The following ARHGEF26 variants were observed in gnomAD, a reference collection of about 807,000 sequenced individuals.
The protein encoded by ARHGEF26 is Rho guanine nucleotide exchange factor 26, also known as Rho guanine nucleotide exchange factor (GEF) 26.
ARHGEF26 carries 59 observed loss-of-function variants against 89.4 expected under a neutral mutation model. That is an observed-to-expected ratio of 0.66 (90% confidence interval 0.54 to 0.82). The LOEUF (loss-of-function observed/expected upper bound fraction) is 0.82. Among genes scored for constraint, ARHGEF26 ranks in the 40% least tolerant of loss-of-function variants. The probability of loss-of-function intolerance (pLI) is 0.00; values close to 1 mark genes in which losing one functional copy is unlikely to be tolerated. For missense variants in ARHGEF26, 1,234 were observed against 1,085.6 expected (o/e 1.14, Z -1.92); for synonymous variants, 500 against 428.4 (o/e 1.17, Z -2.06).
chr3:154,178,830 C>T (rs1274040636), intron 6 of ARHGEF26, among the ~76,000 whole-genome samples: 1 of 152,096 alleles, frequency 6.6e-6, no homozygotes, highest in Non-Finnish European at 1.5e-5. Flanking sequence ...TGTAGACTTG[C>T]AGCTGGCCTC....
chr3:154,188,796 G>GC, intron 7 of ARHGEF26, among the ~76,000 whole-genome samples: 1 of 152,236 alleles, frequency 6.6e-6, no homozygotes, highest in East Asian at 1.9e-4. Context: ...GCTGATGATG[G>GC]CCCCCTTTTT....
At chr3:154,220,573 T>G (rs1484246168) in intron 10 of ARHGEF26, among the ~76,000 whole-genome samples, 4 of 152,074 alleles carry the variant, frequency 2.6e-5, no homozygotes, top group African/African-American at 9.7e-5. Context: ...GCATTCAGTG[T>G]GGGTAGACTT....
intron 6 of ARHGEF26, chr3:154,187,198 C>T (rs1481899765): frequency 3.0e-6 from 3 of 984,312 alleles, no homozygotes; most frequent in Admixed American, 6.2e-5. Context: ...TGGCCTCAGA[C>T]TTATTTTTTA....
chr3:154,125,202 A>G (rs2108037463), intron 3 of ARHGEF26, among the ~76,000 whole-genome samples: 1 of 152,162 alleles, frequency 6.6e-6, no homozygotes, highest in East Asian at 1.9e-4. Context: ...ATAATAAAGA[A>G]GGGAGTGCCC....
intron 9 of ARHGEF26, among the ~76,000 whole-genome samples, chr3:154,196,326 G>A (rs1714289149): frequency 6.6e-6 from 1 of 152,170 alleles, no homozygotes; most frequent in Non-Finnish European, 1.5e-5. Flanking sequence ...CTAGCTGAGA[G>A]GAAGCAATAG....
At chr3:154,217,112 T>C (rs1042477403) in intron 9 of ARHGEF26, among the ~76,000 whole-genome samples, 6 of 151,936 alleles carry the variant, frequency 3.9e-5, no homozygotes, top group Non-Finnish European at 7.4e-5. Context: ...GTCACCACAC[T>C]GACTTCCACA....
chr3:154,254,672 G>GT (rs770809419), intron 13 of ARHGEF26, 48 bp from the exon 14 acceptor site: 2 of 1,464,184 alleles, frequency 1.4e-6, no homozygotes, highest in Admixed American at 1.7e-5. Flanking sequence ...GATTGCACAT[G>GT]TTTTTTCTCT....
intron 12 of ARHGEF26, among the ~76,000 whole-genome samples, chr3:154,252,374 G>A (rs943049539): frequency 1.3e-5 from 2 of 152,064 alleles, no homozygotes; most frequent in Middle Eastern, 3.2e-3. Flanking sequence ...GTGTGTGGCG[G>A]GGCAGTATTT....
chr3:154,165,517 T>G (rs1057402916), intron 6 of ARHGEF26, among the ~76,000 whole-genome samples: 1 of 152,196 alleles, frequency 6.6e-6, no homozygotes, highest in Admixed American at 6.6e-5. Flanking sequence ...AAGACCCCAA[T>G]ATTTGGAAAC....
chr3:154,177,578 A>G (rs1712904043), intron 6 of ARHGEF26, among the ~76,000 whole-genome samples: 1 of 152,166 alleles, frequency 6.6e-6, no homozygotes, highest in Non-Finnish European at 1.5e-5. Context: ...TTAACATTCC[A>G]CATCTCTCAG....
In ARHGEF26 at chr3:154,122,035, A is replaced by T; in HGVS notation, c.43A>T (p.Thr15Ser). The stretch of plus-strand genomic sequence containing the variant: ...GGTGGATTTTTCTAGCAACAGCATA[A>T]CCCCTTTGTGGCGGAGGCGGTCGAT... ...SEVDFSSNSI[T>S]PLWRRRSIPQ... The change falls in exon 2 of 15, where the codon ACC becomes TCC. Residue 15 changes from threonine to serine, a missense_variant. Thr to Ser is a moderately conservative substitution (Grantham distance 58). Transcript: ENST00000465093. The T allele has an allele frequency of 6.2e-7, 1 of 1,610,742 alleles. No individual in the cohort carries two copies.
intron 9 of ARHGEF26, among the ~76,000 whole-genome samples, chr3:154,208,856 A>G (rs1409484691): frequency 1.4e-5 from 2 of 145,310 alleles, no homozygotes; most frequent in African/African-American, 2.6e-5. Flanking sequence ...ACCTCCGCCT[A>G]CCGGATTCAA....
chr3:154,208,579 T>G (rs1715173157), intron 9 of ARHGEF26, among the ~76,000 whole-genome samples: 2 of 152,074 alleles, frequency 1.3e-5, no homozygotes, highest in South Asian at 4.1e-4. Context: ...ACTCTTAGAT[T>G]TTCCCTTTTG....
chr3:154,153,561 G>T (rs1476382356), intron 6 of ARHGEF26, among the ~76,000 whole-genome samples: 2 of 151,848 alleles, frequency 1.3e-5, no homozygotes, highest in Admixed American at 6.6e-5. Context: ...CACTGTTGTG[G>T]TTATACTTAT....
At chr3:154,194,124 G>C (rs1328681015) in intron 8 of ARHGEF26, among the ~76,000 whole-genome samples, 1 of 151,986 alleles carries the variant, frequency 6.6e-6, no homozygotes, top group African/African-American at 2.4e-5. Flanking sequence ...CACTGTGCCT[G>C]GCTGTTCTTT....
At chr3:154,175,362 T>C (rs1338522981) in intron 6 of ARHGEF26, among the ~76,000 whole-genome samples, 1 of 152,182 alleles carries the variant, frequency 6.6e-6, no homozygotes, top group Non-Finnish European at 1.5e-5. Context: ...CCTTTTCATA[T>C]GTTCATTAAC....
intron 4 of ARHGEF26, among the ~76,000 whole-genome samples, chr3:154,138,159 T>A (rs1719134806): frequency 6.6e-6 from 1 of 152,144 alleles, no homozygotes; most frequent in Non-Finnish European, 1.5e-5. Flanking sequence ...ACTGGGGGAG[T>A]GTCATACATG....
intron 6 of ARHGEF26, 81 bp from the exon 7 acceptor site, chr3:154,187,604 A>C: frequency 8.0e-7 from 1 of 1,254,936 alleles, no homozygotes; most frequent in Admixed American, 2.7e-5. Flanking sequence ...ACCCCGTGTA[A>C]TAACATTACA....
At chr3:154,193,826 T>TTGC (rs1405577588) in intron 8 of ARHGEF26, among the ~76,000 whole-genome samples, 1 of 149,180 alleles carries the variant, frequency 6.7e-6, no homozygotes, top group African/African-American at 2.4e-5. Flanking sequence ...TTTTTTTCCT[T>TTGC]TGCTGGTTTT....
Sources: gnomAD v4.1 joint callset for allele counts (sites outside exome capture counted in the v4.1 genomes callset) on GRCh38, gnomAD v4.1.1 for gene constraint, MANE v1.5 for transcripts, NCBI Gene and HGNC (gene_info 2026-07-23, HGNC 2026-07-21) for gene names.